AXL: variants seen among roughly 807,000 people sequenced by gnomAD.
AXL encodes AXL receptor tyrosine kinase, also known as tyrosine-protein kinase receptor UFO.
A neutral mutation model predicts 104.5 loss-of-function variants in AXL; 52 were observed. The observed-to-expected ratio is 0.50, with a 90% confidence interval of 0.40 to 0.63. The LOEUF (loss-of-function observed/expected upper bound fraction) is 0.63, where lower values mean the gene tolerates loss of function less well. Ranked by LOEUF, AXL falls within the 20% of genes least tolerant of loss-of-function variation. AXL has a pLI of 0.00. For missense variants in AXL, 1,024 were observed against 1,188.5 expected, an observed-to-expected ratio of 0.86 and a Z score of 2.04; for synonymous variants, 455 against 473.7, an observed-to-expected ratio of 0.96 and a Z score of 0.51.
intron 12 of AXL, among the ~76,000 whole-genome samples, chr19:41,248,223 A>G (rs2034302268): frequency 6.6e-6 from 1 of 152,232 alleles, no homozygotes; most frequent in South Asian, 2.1e-4. Flanking sequence ...TGTGCCCAGC[A>G]AAAGAAATAT....
intron 4 of AXL, among the ~76,000 whole-genome samples, chr19:41,227,596 G>A (rs533145970): frequency 6.6e-6 from 1 of 150,930 alleles, no homozygotes; most frequent in Non-Finnish European, 1.5e-5. Context: ...AGCAGTTATC[G>A]TGCCTCAGCC....
At position 41,241,592 on chromosome 19, in the gene AXL, A is replaced by T. The variant is rs550007890; in HGVS notation, c.1313-1291A>T. On this transcript the variant is annotated intron_variant, in intron 10 of 19. Coordinates refer to ENST00000301178, the MANE Select transcript of AXL (RefSeq NM_021913.5). ...AGAAAGAAAAAAAGAAAGAAAAGAA[A>T]AAGAAAAGAAAAAAAAATTAGCCAG... 2.0e-5 allele frequency among the ~76,000 whole-genome samples: 3 copies of T among 151,702 alleles called. No homozygotes were observed. In the South Asian group the frequency reaches 6.2e-4, roughly 32 times the overall value.
In AXL at chr19:41,220,837, G is replaced by T; in HGVS notation, c.287G>T (p.Trp96Leu). The T allele has an allele frequency of 6.2e-7, 1 of 1,614,060 alleles. No individual in the cohort carries two copies. The highest frequency in any genetic ancestry group is 1.1e-5 in the South Asian group (1 of 91,052). The change falls in exon 2 of 20, where the codon TGG becomes TTG. Residue 96 changes from tryptophan (W) to leucine (L), a missense_variant. Coordinates refer to ENST00000301178, the MANE Select transcript of AXL (RefSeq NM_021913.5). The stretch of plus-strand genomic sequence containing the variant: ...CTGGGTGAGGATGAACAGGATGACT[G>T]GATAGTGGTCAGCCAGCTCAGGTGT... Reference protein sequence around the residue: ...VPLGEDEQDDWIVVSQLRITS... With the variant: ...VPLGEDEQDDLIVVSQLRITS...
intron 18 of AXL, 85 bp from the exon 19 acceptor site, chr19:41,257,407 TA>T: frequency 2.6e-6 from 4 of 1,538,240 alleles, no homozygotes; most frequent in Non-Finnish European, 2.7e-6. Flanking sequence ...CATGTGTACA[TA>T]AGTGTGGGTG....
chr19:41,221,296 C>T (rs764662403), intron 3 of AXL, 50 bp downstream of exon 3: 3 of 1,545,258 alleles, frequency 1.9e-6, no homozygotes, highest in East Asian at 2.3e-5. Flanking sequence ...ATGTGGCGCT[C>T]ATAGGTTGTG....
chr19:41,239,711 CA>C lies in AXL; in HGVS notation c.1304del (p.His435ProfsTer4). On this transcript the variant is annotated frameshift_variant, in exon 10 of 20. Transcript: ENST00000301178. LOFTEE classifies it high-confidence loss of function. The part of the protein sequence containing the change: ...AWRPGQAQPV[H>X]QLVKEPSTPA... The stretch of plus-strand genomic sequence containing the variant: ...TCTCACAGGGCAAGCACAGCCAGTC[CA>C]CCAGCTGGGTAAGGGCTTCCACACC... The C allele has an allele frequency of 6.2e-7, 1 of 1,614,190 alleles. No individual in the cohort carries two copies. Among genetic ancestry groups the C allele is most frequent in the South Asian group, 1.1e-5 (1 of 91,088 alleles).
intron 6 of AXL, among the ~76,000 whole-genome samples, chr19:41,233,680 T>G (rs572009586): frequency 2.1e-5 from 3 of 146,142 alleles, no homozygotes; most frequent in African/African-American, 7.5e-5. Context: ...GTTTTCAAGG[T>G]GAGGAACTGA....
At chr19:41,245,057 A>G (rs1202653644) in intron 12 of AXL, among the ~76,000 whole-genome samples, 2 of 151,872 alleles carry the variant, frequency 1.3e-5, no homozygotes, top group Non-Finnish European at 2.9e-5. Context: ...CAGCCTCTCA[A>G]GTAGCTGGGA....
rs2122199236 is a variant in AXL, at chr19:41,221,968, A to G, written c.498A>G (p.Pro166=). 1 of 1,612,390 alleles carries G rather than the reference A, an allele frequency of 6.2e-7. No homozygotes were observed. ...TGAGCTGCCAAGCTCAGGGACCCCC[A>G]GAGCCCGTGGACCTACTCTGGCTCC... The part of the protein sequence containing the change: ...FNLSCQAQGP[P]EPVDLLWLQD... The change falls in exon 4 of 20, where the codon CCA becomes CCG. Residue 166 remains proline (P), a synonymous_variant. Coordinates refer to ENST00000301178, the MANE Select transcript of AXL (RefSeq NM_021913.5).
At position 41,259,661 on chromosome 19, in the gene AXL, G is replaced by A. The variant is rs2122298404; in HGVS notation, c.2442G>A (p.Gln814=). Residue 814 remains glutamine (Q), a synonymous_variant, in exon 20 of 20, where the codon CAG becomes CAA. Coordinates refer to ENST00000301178, the MANE Select transcript of AXL (RefSeq NM_021913.5). ...ENTLKALPPA[Q]EPDEILYVNM... ...CACTGAAGGCCTTGCCTCCTGCCCA[G>A]GAGCCTGACGAAATCCTCTATGTCA... 1 of 1,614,070 alleles carries A rather than the reference G, an allele frequency of 6.2e-7. No homozygotes were observed. Among genetic ancestry groups the A allele is most frequent in the South Asian group, 1.1e-5 (1 of 91,078 alleles).
In AXL at chr19:41,221,179, G is replaced by C. The variant is rs1568407281; in HGVS notation, c.342G>C (p.Gln114His). Residue 114 changes from glutamine (Q) to histidine (H), a missense_variant, in exon 3 of 20, where the codon CAG becomes CAC. Physicochemically the swap from Gln to His is conservative, Grantham distance 24. This residue lies in a region of AXL where 41 missense variants were observed against 76.2 expected (regional missense o/e 0.54). Transcript: ENST00000301178. Reference sequence around the variant, plus strand: ...CCCTGCAGCTTTCCGACACGGGACAGTACCAGTGTTTGGTGTTTCTGGGAC... The same window carrying C: ...CCCTGCAGCTTTCCGACACGGGACACTACCAGTGTTTGGTGTTTCTGGGAC... ...ITSLQLSDTGQYQCLVFLGHQ... is the reference protein window; with the variant it reads ...ITSLQLSDTGHYQCLVFLGHQ... 2 of 1,613,988 alleles carry C rather than the reference G, an allele frequency of 1.2e-6. No individual in the cohort carries two copies. The highest frequency in any genetic ancestry group is 1.7e-5 in the Admixed American group (1 of 59,972).
Position 41,231,265 on chromosome 19 carries a change from C to G in AXL, c.750C>G (p.Ser250Arg). The change falls in exon 6 of 20, where the codon AGC (serine) becomes AGG (arginine). Residue 250 changes from serine to arginine, a missense_variant. Physicochemically the swap from Ser to Arg is moderately radical, Grantham distance 110. Around this residue, in one of 5 missense-constraint regions of AXL, gnomAD observed 332 missense variants for 343.9 expected, o/e 0.97. Transcript: ENST00000301178. ...ELEVAWTPGLSGIYPLTHCTL... is the reference protein window; with the variant it reads ...ELEVAWTPGLRGIYPLTHCTL... ...AGGTGGCTTGGACTCCAGGCCTGAGCGGCATCTACCCCCTGACCCACTGCA... is the reference window on the plus strand; with the variant it reads ...AGGTGGCTTGGACTCCAGGCCTGAGGGGCATCTACCCCCTGACCCACTGCA... 1 of 1,613,760 alleles carries G rather than the reference C, an allele frequency of 6.2e-7. No individual in the cohort carries two copies. Among genetic ancestry groups the G allele is most frequent in the Non-Finnish European group, 8.5e-7 (1 of 1,179,774 alleles).
intron 4 of AXL, among the ~76,000 whole-genome samples, chr19:41,222,599 A>G (rs1225495661): frequency 6.6e-6 from 1 of 152,202 alleles, no homozygotes; most frequent in Non-Finnish European, 1.5e-5. Flanking sequence ...CAAAGAAGAG[A>G]GAGCAGGAAG....
intron 6 of AXL, among the ~76,000 whole-genome samples, chr19:41,232,238 C>T (rs1054464725): frequency 2.6e-5 from 4 of 152,170 alleles, no homozygotes; most frequent in Non-Finnish European, 4.4e-5. Context: ...CAGGACCAGA[C>T]ATAGAGTAGG....
intron 1 of AXL, 123 bp downstream of exon 1, chr19:41,219,600 C>A: frequency 1.8e-6 from 2 of 1,109,574 alleles, no homozygotes; most frequent in South Asian, 1.4e-5. Context: ...CTTGGGACCA[C>A]AGAAAAGGGA....
rs774592224 is a variant in AXL, at chr19:41,231,219, C to T, written c.704C>T (p.Ser235Phe). 1.2e-6 allele frequency: 2 copies of T among 1,613,714 alleles called. No homozygotes were observed. Among genetic ancestry groups the T allele is most frequent in the African/African-American group, 1.3e-5 (1 of 74,884 alleles). Residue 235 changes from serine to phenylalanine, a missense_variant, in exon 6 of 20, where the codon TCC becomes TTC. Physicochemically the swap from Ser to Phe is radical, Grantham distance 155. Around this residue, in one of 5 missense-constraint regions of AXL, gnomAD observed 332 missense variants for 343.9 expected, o/e 0.97. Coordinates refer to ENST00000301178, the MANE Select transcript of AXL (RefSeq NM_021913.5). ...CAGCCCCGTAACCTCCACCTGGTCTCCCGCCAACCCACGGAGCTGGAGGTG... is the reference window on the plus strand; with the variant it reads ...CAGCCCCGTAACCTCCACCTGGTCTTCCGCCAACCCACGGAGCTGGAGGTG... ...PQQPRNLHLVSRQPTELEVAW... is the reference protein window; with the variant it reads ...PQQPRNLHLVFRQPTELEVAW...
chr19:41,230,245 T>C (rs923366739), intron 4 of AXL, among the ~76,000 whole-genome samples: 7 of 151,534 alleles, frequency 4.6e-5, no homozygotes, highest in Non-Finnish European at 8.8e-5. Context: ...TGTGTGTGTG[T>C]GCCTGTGTGT....
intron 5 of AXL, 25 bp from the exon 6 acceptor site, chr19:41,231,158 G>A (rs926104806): frequency 1.5e-5 from 24 of 1,610,600 alleles, no homozygotes; most frequent in Non-Finnish European, 2.0e-5. Flanking sequence ...GCTCCCCAGG[G>A]TCAATCTCTC....
rs146060336 is a variant in AXL, at chr19:41,252,442, C to G, written c.1803C>G (p.Ile601Met). 6.2e-7 allele frequency: 1 copy of G among 1,613,896 alleles called. No homozygotes were observed. Among genetic ancestry groups the G allele is most frequent in the Admixed American group, 1.7e-5 (1 of 60,002 alleles). Residue 601 changes from isoleucine (I) to methionine (M), a missense_variant and splice_region_variant, in exon 15 of 20, where the codon ATC becomes ATG. Transcript: ENST00000301178. ...ACCATCCCAACGTCATGAGGCTCAT[C>G]GGTGAGAGAGGGGCAGATTCAAGGG... ...EFDHPNVMRL[I>M]GVCFQGSERE...
Sources: allele counts gnomAD v4.1 joint callset (sites outside exome capture counted in the v4.1 genomes callset), GRCh38; gene constraint gnomAD v4.1.1; regional missense constraint gnomAD v4.1.1; transcripts MANE v1.5; gene names NCBI Gene and HGNC (gene_info 2026-07-23, HGNC 2026-07-21).